NKAIN2: variants seen among roughly 807,000 people sequenced by gnomAD.
NKAIN2 encodes the protein sodium/potassium-transporting ATPase subunit beta-1-interacting protein 2.
In NKAIN2, 14 loss-of-function variants were observed where a neutral mutation model predicts 32.6. That is an observed-to-expected ratio of 0.43 (90% CI 0.28 to 0.67). The LOEUF (loss-of-function observed/expected upper bound fraction) is 0.67, where lower values mean the gene tolerates loss of function less well. Among genes scored for constraint, NKAIN2 ranks in the 30% least tolerant of loss-of-function variants. The pLI, the probability that NKAIN2 is intolerant of heterozygous loss-of-function variation, is 0.17. For synonymous variants in NKAIN2, 80 were observed against 87.2 expected (o/e 0.92, Z 0.46); for missense variants, 198 against 258.3 (o/e 0.77, Z 1.60).
At chr6:124,812,199 G>A (rs1780933040) in intron 5 of NKAIN2, among the ~76,000 whole-genome samples, 1 of 152,118 alleles carries the variant, frequency 6.6e-6, no homozygotes, top group Non-Finnish European at 1.5e-5. Context: ...AGTTTCTTTT[G>A]TGTATCTCAC....
chr6:124,430,409 A>C (rs1357978284), intron 3 of NKAIN2, among the ~76,000 whole-genome samples: 1 of 152,146 alleles, frequency 6.6e-6, no homozygotes, highest in Non-Finnish European at 1.5e-5. Flanking sequence ...TCTCTTATGG[A>C]GGTTGACTGG....
chr6:124,339,552 C>A (rs148153945), intron 2 of NKAIN2, among the ~76,000 whole-genome samples: 1,532 of 152,240 alleles, frequency 0.01, 29 homozygotes, highest in African/African-American at 0.034. Context: ...ACATCTTCAA[C>A]CCCCTCTCTG....
intron 5 of NKAIN2, among the ~76,000 whole-genome samples, chr6:124,794,058 G>A (rs773559228): frequency 3.0e-4 from 45 of 152,108 alleles, no homozygotes; most frequent in Admixed American, 1.8e-3. Context: ...GCAAAGTTGC[G>A]CCCCATGAAA....
At chr6:124,674,856 G>A (rs757034345) in intron 4 of NKAIN2, among the ~76,000 whole-genome samples, 24 of 151,722 alleles carry the variant, frequency 1.6e-4, no homozygotes, top group South Asian at 8.3e-4. Flanking sequence ...TCTTTCTCTT[G>A]CCTAATTTAT....
chr6:124,707,654 T>C (rs1775170272), intron 4 of NKAIN2, among the ~76,000 whole-genome samples: 1 of 151,440 alleles, frequency 6.6e-6, no homozygotes, highest in South Asian at 2.1e-4. Flanking sequence ...GAGAAGTGTC[T>C]GTTCATGTCC....
At chr6:123,938,487 T>TA (rs1362063319) in intron 1 of NKAIN2, among the ~76,000 whole-genome samples, 33 of 135,082 alleles carry the variant, frequency 2.4e-4, no homozygotes, top group Non-Finnish European at 2.8e-4. Flanking sequence ...ACATAATATA[T>TA]AATATATATT....
At chr6:124,451,274 T>G (rs1201351973) in intron 3 of NKAIN2, among the ~76,000 whole-genome samples, 1 of 152,162 alleles carries the variant, frequency 6.6e-6, no homozygotes, top group African/African-American at 2.4e-5. Flanking sequence ...CCACAGCAGA[T>G]TTTTAAAACA....
At chr6:124,173,600 A>T (rs1342988069) in intron 1 of NKAIN2, among the ~76,000 whole-genome samples, 1 of 152,138 alleles carries the variant, frequency 6.6e-6, no homozygotes, top group East Asian at 1.9e-4. Flanking sequence ...ATATCTTGCT[A>T]AAGCTGCTCC....
At chr6:124,534,342 G>A (rs1477529686) in intron 3 of NKAIN2, among the ~76,000 whole-genome samples, 1 of 152,150 alleles carries the variant, frequency 6.6e-6, no homozygotes, top group Non-Finnish European at 1.5e-5. Flanking sequence ...GTAGAGACAA[G>A]GTTTTGCCAT....
intron 3 of NKAIN2, among the ~76,000 whole-genome samples, chr6:124,634,596 A>C (rs1351972011): frequency 6.6e-6 from 1 of 152,194 alleles, no homozygotes; most frequent in African/African-American, 2.4e-5. Context: ...GTGGGATACA[A>C]TTAAGTAAAC....
At chr6:124,362,033 A>G (rs912341120) in intron 3 of NKAIN2, among the ~76,000 whole-genome samples, 2 of 152,118 alleles carry the variant, frequency 1.3e-5, no homozygotes, top group Non-Finnish European at 2.9e-5. Context: ...ATTTGAAAAA[A>G]TAACTCTTCC....
At chr6:124,043,856 G>T (rs1271702694) in intron 1 of NKAIN2, among the ~76,000 whole-genome samples, 1 of 152,048 alleles carries the variant, frequency 6.6e-6, no homozygotes, top group African/African-American at 2.4e-5. Flanking sequence ...ATGCATTTGG[G>T]ATGTTGCACA....
intron 1 of NKAIN2, among the ~76,000 whole-genome samples, chr6:124,158,104 AAAC>A (rs1203778393): frequency 1.3e-5 from 2 of 152,324 alleles, no homozygotes; most frequent in Middle Eastern, 3.4e-3. Context: ...TGAGTGGCTT[AAAC>A]AACAACAATT....
chr6:124,020,288 A>G (rs1275113734), intron 1 of NKAIN2, among the ~76,000 whole-genome samples: 1 of 152,212 alleles, frequency 6.6e-6, no homozygotes, highest in African/African-American at 2.4e-5. Flanking sequence ...CACATCATTC[A>G]CATCATTGAT....
At chr6:123,902,568 C>G (rs1439489817) in intron 1 of NKAIN2, among the ~76,000 whole-genome samples, 5 of 152,016 alleles carry the variant, frequency 3.3e-5, no homozygotes, top group Admixed American at 2.0e-4. Flanking sequence ...GCAATTAATC[C>G]TAATTAAACA....
At chr6:124,113,652 A>G (rs1421646126) in intron 1 of NKAIN2, among the ~76,000 whole-genome samples, 2 of 151,460 alleles carry the variant, frequency 1.3e-5, no homozygotes, top group African/African-American at 4.8e-5. Flanking sequence ...TTGGAAATGC[A>G]AGGGAACTGA....
chr6:124,709,854 AT>A (rs1298467836), intron 4 of NKAIN2, among the ~76,000 whole-genome samples: 5 of 151,096 alleles, frequency 3.3e-5, no homozygotes, highest in Admixed American at 1.3e-4. Flanking sequence ...GATTTTAGTT[AT>A]TTCTTGCCTT....
At chr6:124,629,010 C>A (rs540144382) in intron 3 of NKAIN2, among the ~76,000 whole-genome samples, 16 of 151,958 alleles carry the variant, frequency 1.1e-4, no homozygotes. Flanking sequence ...TGTGCCCAGT[C>A]GTTTTTGCAC....
Position 124,140,506 on chromosome 6 carries a change from G to A in NKAIN2, c.55-142499G>A, listed in dbSNP as rs557365214. On this transcript the variant is annotated intron_variant, in intron 1 of 6. Coordinates refer to ENST00000368417, the MANE Select transcript of NKAIN2 (RefSeq NM_001040214.3). ...CCTTTCTAAGAATAATTGAAAATAC[G>A]TGCCATTTTTTTTACTGTACTAGTT... Among the ~76,000 whole-genome samples, 23 of 152,122 alleles carry A rather than the reference G, an allele frequency of 1.5e-4. No homozygotes were observed. In the South Asian group the frequency reaches 3.5e-3, roughly 23 times the overall value.
Sources: gnomAD v4.1 joint callset for allele counts (sites outside exome capture counted in the v4.1 genomes callset) on GRCh38, gnomAD v4.1.1 for gene constraint, MANE v1.5 for transcripts, NCBI Gene and HGNC (gene_info 2026-07-23, HGNC 2026-07-21) for gene names.